The following RAB38 variants were observed in gnomAD, a reference collection of about 807,000 sequenced individuals.
RAB38 encodes the protein RAB38, member RAS oncogene family, also known as ras-related protein Rab-38.
RAB38 carries 15 observed loss-of-function variants against 18.4 expected under a neutral mutation model. That is an observed-to-expected ratio of 0.82 (90% CI 0.55 to 1.26). The LOEUF is 1.26. Ranked by LOEUF, RAB38 falls within the 50% of genes most tolerant of loss-of-function variation. RAB38 has a pLI of 0.00. For missense variants in RAB38, 294 were observed against 267.4 expected, an observed-to-expected ratio of 1.10 and a Z score of -0.69; for synonymous variants, 101 against 104.4, an observed-to-expected ratio of 0.97 and a Z score of 0.20.
the RAB38 span, among the ~76,000 whole-genome samples, chr11:87,926,123 T>G: frequency 1.3e-5 from 2 of 151,672 alleles, no homozygotes; most frequent in African/African-American, 4.8e-5. Flanking sequence ...TCATCATTCA[T>G]GGATAATGAG....
chr11:88,047,762 T>TA, the RAB38 span, among the ~76,000 whole-genome samples: 1 of 152,182 alleles, frequency 6.6e-6, no homozygotes, highest in African/African-American at 2.4e-5. Context: ...GTAAGATAGC[T>TA]AAAAAAGCAG....
the RAB38 span, among the ~76,000 whole-genome samples, chr11:87,964,281 G>C: frequency 6.6e-6 from 1 of 152,048 alleles, no homozygotes; most frequent in African/African-American, 2.4e-5. Context: ...CAGTAGCCTG[G>C]CTAACCAAGA....
chr11:88,027,717 G>A, the RAB38 span, among the ~76,000 whole-genome samples: 3 of 152,224 alleles, frequency 2.0e-5, no homozygotes, highest in Non-Finnish European at 2.9e-5. Flanking sequence ...CAAAGCAGCT[G>A]GGAAGCTCCA....
chr11:88,005,865 C>G, the RAB38 span, among the ~76,000 whole-genome samples: 1 of 151,424 alleles, frequency 6.6e-6, no homozygotes, highest in African/African-American at 2.4e-5. Flanking sequence ...CTGTCCTTTC[C>G]CCATTGCATG....
chr11:87,937,648 C>T, the RAB38 span, among the ~76,000 whole-genome samples: 7 of 151,460 alleles, frequency 4.6e-5, no homozygotes, highest in Non-Finnish European at 7.4e-5. Context: ...TTGTATTAGG[C>T]GAGTGGTGGT....
intron 2 of RAB38, among the ~76,000 whole-genome samples, chr11:88,138,203 G>A (rs1406653922): frequency 6.6e-6 from 1 of 152,160 alleles, no homozygotes; most frequent in Non-Finnish European, 1.5e-5. Context: ...TTCTGGGATG[G>A]AGATCTCCAA....
chr11:87,812,679 T>C, the RAB38 span, among the ~76,000 whole-genome samples: 1 of 152,228 alleles, frequency 6.6e-6, no homozygotes, highest in Non-Finnish European at 1.5e-5. Flanking sequence ...CTGCTCATCA[T>C]GTATCTTCTA....
chr11:87,937,351 TCATAA>T, the RAB38 span, among the ~76,000 whole-genome samples: 1 of 112,106 alleles, frequency 8.9e-6, no homozygotes, highest in Non-Finnish European at 2.0e-5. Context: ...TATATATATA[TCATAA>T]TTCTATTTGC....
the RAB38 span, among the ~76,000 whole-genome samples, chr11:87,841,061 A>G: frequency 6.6e-6 from 1 of 152,148 alleles, no homozygotes; most frequent in African/African-American, 2.4e-5. Context: ...GTAACAAAAC[A>G]GTTGATTATC....
At chr11:87,920,411 C>G in the RAB38 span, among the ~76,000 whole-genome samples, 158 of 152,012 alleles carry the variant, frequency 1.0e-3, no homozygotes, top group Non-Finnish European at 1.9e-3. Context: ...TGTTTAGGAA[C>G]ACATTGTTCA....
At chr11:87,960,547 G>C in the RAB38 span, among the ~76,000 whole-genome samples, 2 of 152,054 alleles carry the variant, frequency 1.3e-5, no homozygotes, top group African/African-American at 4.8e-5. Context: ...TATCAGATTT[G>C]ATCCTCACAC....
chr11:88,099,880 C>T, the RAB38 span: 1 of 151,686 alleles, frequency 6.6e-6, no homozygotes, highest in East Asian at 1.9e-4. Flanking sequence ...AATATTTTCA[C>T]AGTTCAAGAT....
chr11:88,089,570 G>T, the RAB38 span, among the ~76,000 whole-genome samples: 1 of 152,000 alleles, frequency 6.6e-6, no homozygotes, highest in East Asian at 2.0e-4. Flanking sequence ...CTCTAACCTT[G>T]CTACAATTGA....
chr11:87,976,232 T>C, the RAB38 span, among the ~76,000 whole-genome samples: 1 of 146,454 alleles, frequency 6.8e-6, no homozygotes, highest in Non-Finnish European at 1.5e-5. Context: ...TACCTATATA[T>C]ATATACACCT....
At chr11:88,059,642 C>T in the RAB38 span, among the ~76,000 whole-genome samples, 1 of 152,210 alleles carries the variant, frequency 6.6e-6, no homozygotes, top group Non-Finnish European at 1.5e-5. Context: ...CATTATTAAA[C>T]ACCTACTGTG....
intron 2 of RAB38, among the ~76,000 whole-genome samples, chr11:88,123,745 G>T (rs1444260680): frequency 6.6e-6 from 1 of 152,104 alleles, no homozygotes; most frequent in Non-Finnish European, 1.5e-5. Flanking sequence ...TACCTATAAG[G>T]CAGAGATAAT....
chr11:88,110,068 C>A (rs1290912547), downstream of RAB38, among the ~76,000 whole-genome samples: 1 of 152,128 alleles, frequency 6.6e-6, no homozygotes, highest in South Asian at 2.1e-4. Flanking sequence ...CATATCCACA[C>A]GTATGTTTAT....
At chr11:88,101,557 C>T in the RAB38 span, among the ~76,000 whole-genome samples, 1 of 151,694 alleles carries the variant, frequency 6.6e-6, no homozygotes, top group Non-Finnish European at 1.5e-5. Context: ...AATACAATTC[C>T]ATTTAGGCAG....
At chr11:88,131,455 G>A (rs569729489) in intron 2 of RAB38, among the ~76,000 whole-genome samples, 27 of 152,144 alleles carry the variant, frequency 1.8e-4, no homozygotes, top group Admixed American at 5.9e-4. Flanking sequence ...TGCATAGGTA[G>A]CTAAAACTTT....
Sources: allele counts gnomAD v4.1 joint callset (sites outside exome capture counted in the v4.1 genomes callset), GRCh38; gene constraint gnomAD v4.1.1; transcripts MANE v1.5; gene names NCBI Gene and HGNC (gene_info 2026-07-23, HGNC 2026-07-21).